The following TRPM7 variants were observed in gnomAD, a reference collection of about 807,000 sequenced individuals.
TRPM7 encodes the protein transient receptor potential cation channel subfamily M member 7.
A neutral mutation model predicts 229.7 loss-of-function variants in TRPM7; 134 were observed. That is an observed-to-expected ratio of 0.58 (90% CI 0.51 to 0.67). TRPM7 has a LOEUF of 0.67. Ranked by LOEUF, TRPM7 falls within the 30% of genes least tolerant of loss-of-function variation. The pLI is 0.00. For synonymous variants in TRPM7, 699 were observed against 715.2 expected, an observed-to-expected ratio of 0.98 and a Z score of 0.36; for missense variants, 1,901 against 2,210.0, an observed-to-expected ratio of 0.86 and a Z score of 2.80.
intron 13 of TRPM7, among the ~76,000 whole-genome samples, chr15:50,614,557 C>CA (rs2060161146): frequency 1.3e-5 from 2 of 149,974 alleles, no homozygotes; most frequent in Non-Finnish European, 2.9e-5. Flanking sequence ...CCCAGCTACT[C>CA]AAGAGGCTGA....
chr15:50,616,590 A>G (rs1255951947), intron 13 of TRPM7, among the ~76,000 whole-genome samples: 1 of 152,230 alleles, frequency 6.6e-6, no homozygotes. Flanking sequence ...GCTAAAGGGT[A>G]CAGGGTAACT....
intron 11 of TRPM7, among the ~76,000 whole-genome samples, chr15:50,627,864 G>A (rs978869951): frequency 1.9e-4 from 29 of 152,148 alleles, no homozygotes; most frequent in Non-Finnish European, 2.9e-4. Context: ...TAAACATCAG[G>A]GGGAATGCTA....
At chr15:50,591,654 G>T (rs914071343) in intron 26 of TRPM7, among the ~76,000 whole-genome samples, 1 of 151,980 alleles carries the variant, frequency 6.6e-6, no homozygotes, top group Non-Finnish European at 1.5e-5. Flanking sequence ...ATGCCACTGC[G>T]CCTGGCTACT....
Position 50,561,895 on chromosome 15 carries a change from C to T in TRPM7, c.5468-87G>A, listed in dbSNP as rs1427655380. 2.3e-5 allele frequency: 30 copies of T among 1,312,848 alleles called. No individual in the cohort carries two copies. In the East Asian group the frequency reaches 5.4e-4, roughly 24 times the overall value. The allele number at this position is 1,312,848 out of a possible 1,614,324, so 81.3% of individuals were successfully genotyped here. A position where few individuals can be genotyped will look rare whatever the true frequency, so the allele number is the denominator to read the frequency against. ...TTTCTTAGAAATGGAGAATTAGGAA[C>T]CTTTTATTTTCTTTTCAAGACGGAG... On this transcript the variant is annotated intron_variant, in intron 38 of 38. Transcript: ENST00000646667.
chr15:50,664,704 C>T (rs1033148800), intron 1 of TRPM7, among the ~76,000 whole-genome samples: 5 of 152,156 alleles, frequency 3.3e-5, no homozygotes, highest in Admixed American at 2.6e-4. Context: ...TGGTGGCTCA[C>T]GCCTGTAACC....
chr15:50,593,475 A>G (rs2059556200), intron 25 of TRPM7, 142 bp downstream of exon 25: 1 of 873,690 alleles, frequency 1.1e-6, no homozygotes. Context: ...ATAGAACTGA[A>G]CGATCTTTCC....
chr15:50,584,151 C>CT (rs1328597406), intron 28 of TRPM7, among the ~76,000 whole-genome samples: 1 of 151,942 alleles, frequency 6.6e-6, no homozygotes, highest in Non-Finnish European at 1.5e-5. Context: ...TACAAATCAA[C>CT]TTAGAGAAAG....
intron 11 of TRPM7, 49 bp downstream of exon 11, chr15:50,628,100 A>G: frequency 3.0e-6 from 4 of 1,323,010 alleles, no homozygotes; most frequent in Non-Finnish European, 4.3e-6. Context: ...ATACTTTTTT[A>G]TTACTTAGTG....
chr15:50,663,196 T>C (rs1220532203), intron 1 of TRPM7, 150 bp from the exon 2 acceptor site: 3 of 612,348 alleles, frequency 4.9e-6, no homozygotes, highest in African/African-American at 3.7e-5. Context: ...TGGTGTGATC[T>C]TGGCTCACCA....
intron 12 of TRPM7, among the ~76,000 whole-genome samples, chr15:50,623,487 G>GCCCC (rs570868762): frequency 1.3e-4 from 15 of 113,166 alleles, no homozygotes; most frequent in African/African-American, 3.9e-4. Context: ...TTGCTGCCCC[G>GCCCC]CCCCCTCCCC....
At chr15:50,626,755 T>C (rs2060570641) in intron 11 of TRPM7, among the ~76,000 whole-genome samples, 1 of 151,626 alleles carries the variant, frequency 6.6e-6, no homozygotes, top group Non-Finnish European at 1.5e-5. Flanking sequence ...AGTGACTAAA[T>C]AAACTCTTTT....
chr15:50,664,827 G>A (rs2061839175), intron 1 of TRPM7, among the ~76,000 whole-genome samples: 1 of 152,072 alleles, frequency 6.6e-6, no homozygotes, highest in South Asian at 2.1e-4. Flanking sequence ...CGGGTGTGGT[G>A]GTGCACACCT....
At chr15:50,577,973 T>C (rs1293125135) in intron 31 of TRPM7, among the ~76,000 whole-genome samples, 3 of 152,170 alleles carry the variant, frequency 2.0e-5, no homozygotes, top group African/African-American at 7.2e-5. Flanking sequence ...GTATATACTG[T>C]ACAATTTCAT....
In TRPM7 at chr15:50,575,720, T is replaced by G; in HGVS notation, c.4735+4A>C. On this transcript the variant is annotated splice_donor_region_variant and intron_variant, in intron 33 of 38. Coordinates refer to ENST00000646667, the MANE Select transcript of TRPM7 (RefSeq NM_017672.6). Reference sequence around the variant, plus strand: ...TTATTTATTTCTTTAATTTTTGGATTTACCTCTTGGAGGCACAGGTGTAAA... The same window carrying G: ...TTATTTATTTCTTTAATTTTTGGATGTACCTCTTGGAGGCACAGGTGTAAA... 6.2e-7 allele frequency: 1 copy of G among 1,608,916 alleles called. No homozygotes were observed. The highest frequency in any genetic ancestry group is 8.5e-7 in the Non-Finnish European group (1 of 1,178,364).
intron 38 of TRPM7, among the ~76,000 whole-genome samples, chr15:50,569,102 A>C (rs1188003384): frequency 1.3e-5 from 2 of 152,234 alleles, no homozygotes; most frequent in East Asian, 3.9e-4. Flanking sequence ...CCCAAACTGA[A>C]GTAGGCACTA....
intron 25 of TRPM7, 30 bp downstream of exon 25, chr15:50,593,587 T>C (rs1194610089): frequency 1.3e-6 from 2 of 1,599,358 alleles, no homozygotes; most frequent in Admixed American, 1.8e-5. Flanking sequence ...TTTTGACATA[T>C]AACCGATTTT....
chr15:50,661,854 T>C (rs1470335212), intron 2 of TRPM7, among the ~76,000 whole-genome samples: 1 of 152,174 alleles, frequency 6.6e-6, no homozygotes, highest in Non-Finnish European at 1.5e-5. Flanking sequence ...TGAAGAAAAG[T>C]GCTCTATAGG....
chr15:50,657,975 C>G (rs2061622012), intron 2 of TRPM7, among the ~76,000 whole-genome samples, 156 bp from the exon 3 acceptor site: 1 of 150,312 alleles, frequency 6.7e-6, no homozygotes, highest in African/African-American at 2.4e-5. Flanking sequence ...ATTTATAATT[C>G]AAATAACTAT....
chr15:50,674,473 TG>T (rs1185123062), intron 1 of TRPM7, among the ~76,000 whole-genome samples: 1 of 152,216 alleles, frequency 6.6e-6, no homozygotes, highest in Non-Finnish European at 1.5e-5. Flanking sequence ...ACAATGTATA[TG>T]TTTTTGTACT....
Sources: gnomAD v4.1 joint callset for allele counts (sites outside exome capture counted in the v4.1 genomes callset) on GRCh38, gnomAD v4.1.1 for gene constraint, MANE v1.5 for transcripts, NCBI Gene and HGNC (gene_info 2026-07-23, HGNC 2026-07-21) for gene names.